NEB: variants seen among roughly 807,000 people sequenced by gnomAD.
NEB encodes nemaline myopathy type 2.
In NEB, 512 loss-of-function variants were observed where a neutral mutation model predicts 952.2. The ratio of observed to expected loss-of-function variants is 0.54; its 90% confidence interval spans 0.50 to 0.58. The LOEUF is 0.58. Ranked by LOEUF, NEB falls within the 20% of genes least tolerant of loss-of-function variation. NEB has a pLI of 0.00. For missense variants in NEB, 8,428 were observed against 9,231.1 expected (o/e 0.91, Z 3.56); for synonymous variants, 2,900 against 3,149.8 (o/e 0.92, Z 2.66).
At chr2:151,500,447 G>A (rs2063563621) in intron 168 of NEB, among the ~76,000 whole-genome samples, 1 of 151,498 alleles carries the variant, frequency 6.6e-6, no homozygotes, top group African/African-American at 2.4e-5. Flanking sequence ...GTGTGTTAGA[G>A]TTTTTCAGCA....
chr2:151,488,953 A>T (rs530308859), intron 181 of NEB, among the ~76,000 whole-genome samples: 84 of 152,158 alleles, frequency 5.5e-4, no homozygotes, highest in African/African-American at 2.0e-3. Flanking sequence ...GCTTTATAGT[A>T]TGTTTTGTTC....
intron 124 of NEB, among the ~76,000 whole-genome samples, chr2:151,557,965 G>C (rs976892190): frequency 6.6e-6 from 1 of 152,158 alleles, no homozygotes; most frequent in African/African-American, 2.4e-5. Context: ...GCACAAGACA[G>C]GGATGCCCTC....
Position 151,672,610 on chromosome 2 carries a change from G to C in NEB, c.4058C>G (p.Pro1353Arg). 1 of 1,613,904 alleles carries C rather than the reference G, an allele frequency of 6.2e-7. No homozygotes were observed. The highest frequency in any genetic ancestry group is 8.5e-7 in the Non-Finnish European group (1 of 1,179,844). Reference sequence around the variant, plus strand: ...CACATTCATATAGTGGACCAGCTTGGGATCATCCTGGAGGCTTCTGAAACC... The same window carrying C: ...CACATTCATATAGTGGACCAGCTTGCGATCATCCTGGAGGCTTCTGAAACC... The part of the protein sequence containing the change: ...HVGFRSLQDD[P>R]KLVHYMNVAK... Residue 1353 changes from proline to arginine, a missense_variant, in exon 37 of 182, where the codon CCC becomes CGC. Pro to Arg is a moderately radical substitution (Grantham distance 103, BLOSUM62 -2). Around this residue, in one of 11 missense-constraint regions of NEB, gnomAD observed 2,851 missense variants for 2,791.5 expected, o/e 1.02. Coordinates refer to ENST00000397345, the MANE Select transcript of NEB (RefSeq NM_001164508.2).
In NEB at chr2:151,674,550, G is replaced by C. The variant is rs540516732; in HGVS notation, c.3914C>G (p.Ala1305Gly). ...ATCGCCCAGCACATTGTTGCCCTTG[G>C]CTATTAAGTCATACCAATCCCGTTT... The part of the protein sequence containing the change: ...CYKRDWYDLI[A>G]KGNNVLGDAI... The change falls in exon 36 of 182, where the codon GCC (alanine) becomes GGC (glycine). Residue 1305 changes from alanine to glycine, a missense_variant. Around this residue, in one of 11 missense-constraint regions of NEB, gnomAD observed 2,851 missense variants for 2,791.5 expected, o/e 1.02. Coordinates refer to ENST00000397345, the MANE Select transcript of NEB (RefSeq NM_001164508.2). 3.1e-6 allele frequency: 5 copies of C among 1,613,836 alleles called. No individual in the cohort carries two copies. The highest frequency in any genetic ancestry group is 1.3e-5 in the African/African-American group (1 of 75,028).
intron 171 of NEB, 120 bp downstream of exon 171, chr2:151,497,506 T>C: frequency 6.7e-7 from 1 of 1,493,830 alleles, no homozygotes; most frequent in Non-Finnish European, 8.9e-7. Context: ...ATAAATTTGC[T>C]AAAGAAATTC....
intron 135 of NEB, among the ~76,000 whole-genome samples, chr2:151,544,096 C>T (rs534476142): frequency 6.6e-6 from 1 of 152,270 alleles, no homozygotes; most frequent in Non-Finnish European, 1.5e-5. Context: ...CTTGGATCAG[C>T]ATTTTATCAA....
At chr2:151,566,883 T>C (rs990621816) in intron 114 of NEB, among the ~76,000 whole-genome samples, 1 of 152,198 alleles carries the variant, frequency 6.6e-6, no homozygotes, top group African/African-American at 2.4e-5. Flanking sequence ...GATACTTTTC[T>C]ATGTGAATGT....
chr2:151,486,480 C>T (rs1381209403), intron 181 of NEB: 1 of 153,424 alleles, frequency 6.5e-6, no homozygotes, highest in African/African-American at 2.4e-5. Context: ...CCCTATGGCC[C>T]AGCAAATTCC....
chr2:151,489,734 C>A (rs375817279), intron 181 of NEB, among the ~76,000 whole-genome samples: 1 of 152,006 alleles, frequency 6.6e-6, no homozygotes, highest in East Asian at 1.9e-4. Flanking sequence ...TGAGCCAAAA[C>A]TGATGCTTTG....
intron 41 of NEB, 147 bp downstream of exon 41, chr2:151,665,943 T>C: frequency 1.2e-6 from 1 of 809,826 alleles, no homozygotes; most frequent in Non-Finnish European, 1.9e-6. Context: ...CCACCTATAG[T>C]TCAAATGAGT....
intron 73 of NEB, among the ~76,000 whole-genome samples, chr2:151,618,947 C>G (rs959487218): frequency 1.3e-5 from 2 of 152,106 alleles, no homozygotes; most frequent in African/African-American, 2.4e-5. Context: ...CTTAATTATT[C>G]ATTTTATTTT....
In NEB at chr2:151,518,324, C is replaced by T; in HGVS notation, c.22794G>A (p.Gln7598=). ...QLHLKEATEL[Q]SIVKYKEKYE... ...TCGGTCTTGATCCACTTACTATACT[C>T]TGTAATTCTGTGGCCTCTTTTAGGT... Residue 7598 remains glutamine (Q), a synonymous_variant, in exon 156 of 182, where the codon CAG becomes CAA. Coordinates refer to ENST00000397345, the MANE Select transcript of NEB (RefSeq NM_001164508.2). 1.3e-6 allele frequency: 2 copies of T among 1,599,160 alleles called. No individual in the cohort carries two copies. Among genetic ancestry groups the T allele is most frequent in the South Asian group, 2.2e-5 (2 of 90,762 alleles).
Position 151,665,372 on chromosome 2 carries a change from T to A in NEB, c.5199A>T (p.Glu1733Asp), listed in dbSNP as rs2099202387. The change falls in exon 42 of 182, where the codon GAA becomes GAT. Residue 1733 changes from glutamate to aspartate, a missense_variant. Transcript: ENST00000397345. Reference sequence around the variant, plus strand: ...GTTTGTTACTCTTGTTAAGTGCCTGTTCCATTGTGTCCATGGCGTAAGTGA... The same window carrying A: ...GTTTGTTACTCTTGTTAAGTGCCTGATCCATTGTGTCCATGGCGTAAGTGA... ...LKFTYAMDTM[E>D]QALNKSNKLN... 6.2e-7 allele frequency: 1 copy of A among 1,613,644 alleles called. No homozygotes were observed. The highest frequency in any genetic ancestry group is 1.1e-5 in the South Asian group (1 of 91,052).
intron 121 of NEB, among the ~76,000 whole-genome samples, 173 bp from the exon 122 acceptor site, chr2:151,561,485 C>T (rs7424331): frequency 0.66 from 99,809 of 151,414 alleles, 33,164 homozygotes; most frequent in East Asian, 0.79. Context: ...GAATGAATAG[C>T]TTCTCTTGAC....
chr2:151,642,677 A>C lies in NEB; in HGVS notation c.8270T>G (p.Leu2757Trp), dbSNP rs755164442. ...GGCTTCTTCTAGGCCAAGCTTATAC[A>C]ATTTCTAAAATAGACATTAATAGTA... ...KQNKVNYSEK[L>W]YKLGLEEAKR... Residue 2757 changes from leucine (L) to tryptophan (W), a missense_variant, in exon 60 of 182, where the codon TTG (leucine) becomes TGG (tryptophan). Around this residue, in one of 11 missense-constraint regions of NEB, gnomAD observed 1,772 missense variants for 1,960.3 expected, o/e 0.90. Transcript: ENST00000397345. 6.2e-7 allele frequency: 1 copy of C among 1,613,470 alleles called. No individual in the cohort carries two copies. Among genetic ancestry groups the C allele is most frequent in the South Asian group, 1.1e-5 (1 of 90,968 alleles).
At chr2:151,626,952 C>G in intron 70 of NEB, 50 bp downstream of exon 70, 6 of 1,588,114 alleles carry the variant, frequency 3.8e-6, no homozygotes, top group Non-Finnish European at 5.2e-6. Flanking sequence ...CAATAGGTAT[C>G]TTGAATGACA....
At chr2:151,512,862 G>A (rs1161441677) in intron 160 of NEB, 25 bp from the exon 161 acceptor site, 11 of 1,519,608 alleles carry the variant, frequency 7.2e-6, no homozygotes, top group Non-Finnish European at 1.0e-5. Flanking sequence ...CGAATAGTTG[G>A]GTAAATGTTT....
chr2:151,634,337 G>T (rs956722221), intron 64 of NEB, among the ~76,000 whole-genome samples: 2 of 152,058 alleles, frequency 1.3e-5, no homozygotes, highest in East Asian at 3.9e-4. Flanking sequence ...TGGTAGAATG[G>T]TGTCTTTGAT....
chr2:151,612,492 T>C, intron 77 of NEB, 103 bp from the exon 78 acceptor site: 3 of 1,156,474 alleles, frequency 2.6e-6, no homozygotes, highest in Non-Finnish European at 2.5e-6. Flanking sequence ...TGAATCTTAT[T>C]TGTGTAAATT....
Sources: gnomAD v4.1 joint callset for allele counts (sites outside exome capture counted in the v4.1 genomes callset) on GRCh38, gnomAD v4.1.1 for gene constraint, gnomAD v4.1.1 regional missense constraint, MANE v1.5 for transcripts, NCBI Gene and HGNC (gene_info 2026-07-23, HGNC 2026-07-21) for gene names.